AGPS: variants seen among roughly 807,000 people sequenced by gnomAD.
AGPS encodes the protein alkylglycerone phosphate synthase, also known as alkyldihydroxyacetonephosphate synthase, peroxisomal.
AGPS carries 26 observed loss-of-function variants against 90.7 expected under a neutral mutation model. The observed-to-expected ratio is 0.29, with a 90% CI of 0.21 to 0.40. AGPS has a LOEUF of 0.40. AGPS is among the 10% of genes least tolerant of loss of function. AGPS has a pLI of 1.00. For missense variants in AGPS, 540 were observed against 816.1 expected (o/e 0.66, Z 4.12); for synonymous variants, 294 against 285.3 (o/e 1.03, Z -0.31).
chr2:177,510,250 A>T (rs1239715097), intron 16 of AGPS, among the ~76,000 whole-genome samples: 1 of 152,084 alleles, frequency 6.6e-6, no homozygotes, highest in Non-Finnish European at 1.5e-5. Context: ...GGTTTTATAG[A>T]TGGCCATCTT....
At chr2:177,529,152 C>T (rs141537493) in intron 19 of AGPS, among the ~76,000 whole-genome samples, 2 of 152,164 alleles carry the variant, frequency 1.3e-5, no homozygotes, top group East Asian at 1.9e-4. Context: ...CCACCACTCC[C>T]GGCCGCATAT....
chr2:177,426,880 C>A (rs556685966), intron 2 of AGPS, among the ~76,000 whole-genome samples: 31 of 152,206 alleles, frequency 2.0e-4, no homozygotes, highest in African/African-American at 7.5e-4. Context: ...TGATGCTGAT[C>A]TCATAAAAGG....
At chr2:177,395,562 CAA>C (rs1295029411) in intron 1 of AGPS, among the ~76,000 whole-genome samples, 2 of 152,190 alleles carry the variant, frequency 1.3e-5, no homozygotes, top group African/African-American at 2.4e-5. Flanking sequence ...ATGAGGAACC[CAA>C]GTCTCCCTTC....
intron 3 of AGPS, 111 bp from the exon 4 acceptor site, chr2:177,436,653 T>C: frequency 9.5e-7 from 1 of 1,053,718 alleles, no homozygotes; most frequent in Non-Finnish European, 1.4e-6. Context: ...TGCTTCAGCC[T>C]TACTTTGAAT....
At chr2:177,503,134 C>A (rs1688609059) in intron 14 of AGPS, among the ~76,000 whole-genome samples, 1 of 152,002 alleles carries the variant, frequency 6.6e-6, no homozygotes. Flanking sequence ...TTTCTCTTTG[C>A]TTACCCTTCA....
intron 2 of AGPS, among the ~76,000 whole-genome samples, chr2:177,426,902 A>C (rs1419355283): frequency 1.3e-5 from 2 of 152,164 alleles, no homozygotes; most frequent in African/African-American, 4.8e-5. Flanking sequence ...GTTAGGTAGC[A>C]GTCCCTCCTT....
rs774097491 is a variant in AGPS at position 177,497,707 on chromosome 2, A to G, written c.1304A>G (p.Gln435Arg). The G allele has an allele frequency of 6.3e-7, 1 of 1,580,756 alleles. No homozygotes were observed. Among genetic ancestry groups the G allele is most frequent in the South Asian group, 1.1e-5 (1 of 87,764 alleles). The change falls in exon 13 of 20, where the codon CAG becomes CGG. Residue 435 changes from glutamine to arginine, a missense_variant. By Grantham distance (43) the Gln-to-Arg change is conservative. Around this residue, in one of 2 missense-constraint regions of AGPS, gnomAD observed 405 missense variants for 692.1 expected, o/e 0.59. Transcript: ENST00000264167. Reference protein sequence around the residue: ...QFQFGHALKPQVSSIFTSFLD... With the variant: ...QFQFGHALKPRVSSIFTSFLD... The stretch of plus-strand genomic sequence containing the variant: ...TTCTTAGGTCATGCTCTTAAACCTC[A>G]GGTTTCCTCTATTTTTACATCATTT...
intron 14 of AGPS, among the ~76,000 whole-genome samples, chr2:177,502,366 T>C (rs1688583167): frequency 6.6e-6 from 1 of 151,852 alleles, no homozygotes; most frequent in African/African-American, 2.4e-5. Context: ...CAACCCAGAT[T>C]GTTATTTGGC....
intron 8 of AGPS, among the ~76,000 whole-genome samples, chr2:177,456,276 A>C (rs1340972081): frequency 1.3e-5 from 2 of 152,234 alleles, no homozygotes; most frequent in Non-Finnish European, 2.9e-5. Context: ...AATGGCATTA[A>C]CAGAGACACA....
At chr2:177,522,866 T>A (rs967163221) in intron 18 of AGPS, among the ~76,000 whole-genome samples, 1 of 152,228 alleles carries the variant, frequency 6.6e-6, no homozygotes, top group Non-Finnish European at 1.5e-5. Context: ...TGAGTAATTT[T>A]GAGAGGCCCA....
At chr2:177,422,230 G>T (rs1299534917) in intron 2 of AGPS, among the ~76,000 whole-genome samples, 1 of 152,086 alleles carries the variant, frequency 6.6e-6, no homozygotes, top group Non-Finnish European at 1.5e-5. Flanking sequence ...TTAGATTATT[G>T]CTTTTTCAGG....
intron 12 of AGPS, among the ~76,000 whole-genome samples, chr2:177,495,936 A>C (rs1166764699): frequency 2.4e-5 from 3 of 125,896 alleles, no homozygotes; most frequent in African/African-American, 2.9e-5. Context: ...AAAAAAAAAA[A>C]AACAAACCCA....
intron 10 of AGPS, among the ~76,000 whole-genome samples, chr2:177,481,116 G>C (rs1687930968): frequency 6.6e-6 from 1 of 152,002 alleles, no homozygotes; most frequent in Admixed American, 6.5e-5. Flanking sequence ...TGGAAGCTTT[G>C]GTTTTTGCGA....
intron 16 of AGPS, among the ~76,000 whole-genome samples, chr2:177,508,699 T>C (rs557331089): frequency 6.6e-6 from 1 of 152,298 alleles, no homozygotes; most frequent in African/African-American, 2.4e-5. Context: ...AGTTGTATTA[T>C]AACTCATCCA....
At chr2:177,531,715 T>G (rs1232672395) in intron 19 of AGPS, among the ~76,000 whole-genome samples, 1 of 152,098 alleles carries the variant, frequency 6.6e-6, no homozygotes, top group Non-Finnish European at 1.5e-5. Flanking sequence ...ATGAATAAAG[T>G]AAAAGCAGTC....
At chr2:177,397,937 G>A (rs897386129) in intron 1 of AGPS, among the ~76,000 whole-genome samples, 22 of 152,132 alleles carry the variant, frequency 1.4e-4, no homozygotes, top group African/African-American at 5.3e-4. Context: ...AGGCTGAGGC[G>A]GGAGGATTGC....
intron 19 of AGPS, among the ~76,000 whole-genome samples, chr2:177,534,178 CAA>C (rs2079163443): frequency 6.6e-6 from 1 of 152,202 alleles, no homozygotes; most frequent in Non-Finnish European, 1.5e-5. Context: ...CGTTAAGCCT[CAA>C]AGAGTAGTTT....
chr2:177,459,113 G>A (rs1355164109), intron 8 of AGPS, among the ~76,000 whole-genome samples: 1 of 152,172 alleles, frequency 6.6e-6, no homozygotes, highest in East Asian at 1.9e-4. Context: ...AAACTGGCTA[G>A]CCATATGCAG....
At chr2:177,404,653 T>G (rs1438498201) in intron 1 of AGPS, among the ~76,000 whole-genome samples, 1 of 152,198 alleles carries the variant, frequency 6.6e-6, no homozygotes, top group Non-Finnish European at 1.5e-5. Flanking sequence ...TTAAAGTAAA[T>G]TGGTAGTTTC....
Sources: gnomAD v4.1 joint callset for allele counts (sites outside exome capture counted in the v4.1 genomes callset) on GRCh38, gnomAD v4.1.1 for gene constraint, gnomAD v4.1.1 regional missense constraint, MANE v1.5 for transcripts, NCBI Gene and HGNC (gene_info 2026-07-23, HGNC 2026-07-21) for gene names.